Variants in CNTN4 observed in about 807,000 individuals in gnomAD.
CNTN4 encodes contactin-4.
CNTN4 carries 77 observed loss-of-function variants against 122.5 expected under a neutral mutation model. That is an observed-to-expected ratio of 0.63 (90% CI 0.52 to 0.76). CNTN4 has a LOEUF of 0.76. CNTN4 is among the 30% of genes least tolerant of loss of function. CNTN4 has a pLI of 0.00. For missense variants in CNTN4, 1,256 were observed against 1,259.1 expected (o/e 1.00, Z 0.04); for synonymous variants, 512 against 447.0 (o/e 1.15, Z -1.83).
intron 14 of CNTN4, among the ~76,000 whole-genome samples, chr3:3,009,836 A>C (rs879421848): frequency 7.9e-5 from 12 of 152,202 alleles, no homozygotes; most frequent in Non-Finnish European, 1.3e-4. Flanking sequence ...GTGGCACGAA[A>C]AAGCCTATGT....
At chr3:2,199,061 C>A (rs564325728) in intron 2 of CNTN4, among the ~76,000 whole-genome samples, 47 of 152,316 alleles carry the variant, frequency 3.1e-4, no homozygotes, top group African/African-American at 1.1e-3. Context: ...ATACCTACAG[C>A]AAACATATAA....
At chr3:2,561,632 G>T (rs567772971) in intron 3 of CNTN4, among the ~76,000 whole-genome samples, 1 of 151,996 alleles carries the variant, frequency 6.6e-6, no homozygotes, top group Admixed American at 6.6e-5. Flanking sequence ...CAATTATATG[G>T]ATTTTCTCTC....
chr3:2,369,560 T>C (rs1052514799), intron 3 of CNTN4, among the ~76,000 whole-genome samples: 35 of 152,198 alleles, frequency 2.3e-4, no homozygotes, highest in Non-Finnish European at 5.1e-4. Flanking sequence ...TTCCTAATTT[T>C]AGGGAGAATA....
intron 2 of CNTN4, among the ~76,000 whole-genome samples, chr3:2,204,705 A>T (rs2038260435): frequency 6.6e-6 from 1 of 152,102 alleles, no homozygotes; most frequent in East Asian, 1.9e-4. Context: ...TTGGTTTTAA[A>T]CTTCTTTTTA....
intron 2 of CNTN4, among the ~76,000 whole-genome samples, chr3:2,194,309 A>T (rs2037735341): frequency 6.6e-6 from 1 of 151,924 alleles, no homozygotes; most frequent in East Asian, 1.9e-4. Context: ...TAAAAAAAAC[A>T]AATTAGCCAG....
chr3:2,643,522 T>C (rs2082988671), intron 4 of CNTN4, among the ~76,000 whole-genome samples: 1 of 152,136 alleles, frequency 6.6e-6, no homozygotes, highest in African/African-American at 2.4e-5. Flanking sequence ...TGTGTGCATG[T>C]CCATCTTCTG....
chr3:2,189,279 T>C (rs770319197), intron 2 of CNTN4, among the ~76,000 whole-genome samples: 3 of 151,966 alleles, frequency 2.0e-5, no homozygotes, highest in Non-Finnish European at 2.9e-5. Context: ...TAAAACACAA[T>C]GTGAGGAGGT....
In CNTN4 at chr3:2,981,992, C is replaced by G. The variant is rs139396564; in HGVS notation, c.1359-6353C>G. On this transcript the variant is annotated intron_variant, in intron 13 of 24. Transcript: ENST00000418658. ...GTTGGAAGTTGCAGTGAGCCGAGATCGTACCACTGCACTCCAGCCTGGGTG... is the reference window on the plus strand; with the variant it reads ...GTTGGAAGTTGCAGTGAGCCGAGATGGTACCACTGCACTCCAGCCTGGGTG... Among the ~76,000 whole-genome samples the G allele has an allele frequency of 8.5e-5, 13 of 152,094 alleles. No homozygotes were observed. In the East Asian group the frequency reaches 2.5e-3, roughly 29 times the overall value.
chr3:2,740,688 T>TA (rs2089410635), intron 5 of CNTN4, among the ~76,000 whole-genome samples: 1 of 152,154 alleles, frequency 6.6e-6, no homozygotes, highest in Non-Finnish European at 1.5e-5. Context: ...TAATATTATG[T>TA]AAAAAACAAA....
At chr3:2,627,695 G>A (rs148709738) in intron 4 of CNTN4, among the ~76,000 whole-genome samples, 6,241 of 151,744 alleles carry the variant, frequency 0.041, 410 homozygotes, top group African/African-American at 0.14. Context: ...GGGTTTCACC[G>A]TGTTAGCCAG....
At chr3:2,192,121 G>T (rs1009357702) in intron 2 of CNTN4, among the ~76,000 whole-genome samples, 4 of 151,896 alleles carry the variant, frequency 2.6e-5, no homozygotes, top group African/African-American at 9.7e-5. Context: ...TCTTAATCCA[G>T]TCTATCATTG....
intron 2 of CNTN4, among the ~76,000 whole-genome samples, chr3:2,119,447 A>G (rs2033578352): frequency 6.6e-6 from 1 of 152,186 alleles, no homozygotes; most frequent in South Asian, 2.1e-4. Context: ...CTTACCCGCA[A>G]AATCAACTGT....
At chr3:2,968,889 CTG>C (rs1692597346) in intron 13 of CNTN4, among the ~76,000 whole-genome samples, 1 of 152,180 alleles carries the variant, frequency 6.6e-6, no homozygotes, top group African/African-American at 2.4e-5. Context: ...ACAAGTGACA[CTG>C]TGTATTCATC....
intron 13 of CNTN4, among the ~76,000 whole-genome samples, chr3:2,949,661 A>G (rs2094717412): frequency 6.6e-6 from 1 of 151,670 alleles, no homozygotes; most frequent in South Asian, 2.1e-4. Flanking sequence ...TACTCTCTAG[A>G]CCCCCAGAGC....
intron 6 of CNTN4, among the ~76,000 whole-genome samples, chr3:2,794,018 G>A (rs776487789): frequency 1.3e-5 from 2 of 152,094 alleles, no homozygotes; most frequent in East Asian, 3.9e-4. Flanking sequence ...ATTTTTCTTG[G>A]TGGTGACATT....
intron 2 of CNTN4, among the ~76,000 whole-genome samples, chr3:2,119,306 C>T (rs1034396517): frequency 6.6e-6 from 1 of 152,156 alleles, no homozygotes; most frequent in Non-Finnish European, 1.5e-5. Flanking sequence ...TCTCTCTCTC[C>T]GTGTATACAT....
At chr3:2,379,711 C>A (rs759179357) in intron 3 of CNTN4, among the ~76,000 whole-genome samples, 8 of 152,088 alleles carry the variant, frequency 5.3e-5, no homozygotes, top group Non-Finnish European at 1.0e-4. Context: ...CATTATATAA[C>A]CTCTCAAAGT....
chr3:2,259,085 G>A (rs1006454346), intron 2 of CNTN4, among the ~76,000 whole-genome samples: 3 of 151,466 alleles, frequency 2.0e-5, no homozygotes, highest in Non-Finnish European at 2.9e-5. Context: ...GTTATTTAGT[G>A]ATTTTTTTTT....
intron 3 of CNTN4, among the ~76,000 whole-genome samples, chr3:2,536,464 A>G (rs758136628): frequency 6.6e-6 from 1 of 152,144 alleles, no homozygotes; most frequent in Non-Finnish European, 1.5e-5. Context: ...TCATTGCCCT[A>G]TGCTGAAAAG....
Sources: allele counts gnomAD v4.1 joint callset (sites outside exome capture counted in the v4.1 genomes callset), GRCh38; gene constraint gnomAD v4.1.1; transcripts MANE v1.5; gene names NCBI Gene and HGNC (gene_info 2026-07-23, HGNC 2026-07-21).